ZFYVE9: variants seen among roughly 807,000 people sequenced by gnomAD.
ZFYVE9 encodes zinc finger FYVE-type containing 9.
In ZFYVE9, 43 loss-of-function variants were observed where a neutral mutation model predicts 126.7. That is an observed-to-expected ratio of 0.34 (90% CI 0.27 to 0.44). ZFYVE9 has a LOEUF of 0.44. Among genes scored for constraint, ZFYVE9 ranks in the 20% least tolerant of loss-of-function variants. The pLI is 1.00. For synonymous variants in ZFYVE9, 521 were observed against 597.4 expected, an observed-to-expected ratio of 0.87 and a Z score of 1.87; for missense variants, 1,476 against 1,697.0, an observed-to-expected ratio of 0.87 and a Z score of 2.29.
chr1:52,143,940 T>G (rs1324329070), intron 1 of ZFYVE9, among the ~76,000 whole-genome samples: 1 of 152,124 alleles, frequency 6.6e-6, no homozygotes, highest in African/African-American at 2.4e-5. Context: ...TCATTACCAG[T>G]TATTTGGGTA....
At chr1:52,162,758 T>A (rs1644474472) in intron 1 of ZFYVE9, 1 of 318,020 alleles carries the variant, frequency 3.1e-6, no homozygotes, top group Admixed American at 3.6e-5. Flanking sequence ...GCCAGTATTC[T>A]GGTGTATATG....
At position 52,226,141 on chromosome 1, in the gene ZFYVE9, C is replaced by T. The variant is rs137906154; in HGVS notation, c.-36-7030C>T. Among the ~76,000 whole-genome samples the T allele has an allele frequency of 3.9e-3, 597 of 152,150 alleles. 11 individuals carry two copies. The South Asian group carries it at 0.044, about 11-fold the overall frequency. ...CCCCACCCTAATCTTATTATGCAAA[C>T]GAACTTTCTCCTTGGCAGGTGCCAT... On this transcript the variant is annotated intron_variant, in intron 2 of 18. Transcript: ENST00000287727.
chr1:52,204,779 G>T (rs1644957775), intron 1 of ZFYVE9, among the ~76,000 whole-genome samples: 1 of 152,102 alleles, frequency 6.6e-6, no homozygotes, highest in East Asian at 1.9e-4. Context: ...TTTCAAAATG[G>T]TTCCCTTTCC....
At chr1:52,174,809 C>T (rs547648946) in intron 1 of ZFYVE9, among the ~76,000 whole-genome samples, 11 of 151,388 alleles carry the variant, frequency 7.3e-5, no homozygotes, top group East Asian at 1.9e-4. Context: ...CTGTTTTATC[C>T]GAGACTAGGA....
At position 52,295,936 on chromosome 1, in the gene ZFYVE9, T is replaced by A; in HGVS notation, c.3292T>A (p.Leu1098Met). The change falls in exon 12 of 19, where the codon TTG (leucine) becomes ATG (methionine). Residue 1098 changes from leucine to methionine, a missense_variant. Transcript: ENST00000287727. ...PLFSVRFRKP[L>M]FGETGHTIMN... Reference sequence around the variant, plus strand: ...ATTCAGTGTCAGATTTCGGAAGCCATTGTTTGGAGAGACGGGGCATACCAT... The same window carrying A: ...ATTCAGTGTCAGATTTCGGAAGCCAATGTTTGGAGAGACGGGGCATACCAT... The A allele has an allele frequency of 1.9e-6, 3 of 1,613,750 alleles. No homozygotes were observed. The highest frequency in any genetic ancestry group is 2.5e-6 in the Non-Finnish European group (3 of 1,179,816).
At chr1:52,324,290 C>G (rs1183311169) in intron 13 of ZFYVE9, among the ~76,000 whole-genome samples, 1 of 148,068 alleles carries the variant, frequency 6.8e-6, no homozygotes, top group Non-Finnish European at 1.5e-5. Flanking sequence ...AAAACAAAAA[C>G]AAAACAAAAC....
Position 52,326,886 on chromosome 1 carries a change from G to A in ZFYVE9, c.3439-5882G>A, listed in dbSNP as rs142299030. Among the ~76,000 whole-genome samples the A allele has an allele frequency of 7.7e-3, 1,164 of 151,040 alleles. 17 individuals carry two copies. The highest frequency in any genetic ancestry group is 0.027 in the African/African-American group (1,103 of 41,160). On this transcript the variant is annotated intron_variant, in intron 13 of 18. Coordinates refer to ENST00000287727, the MANE Select transcript of ZFYVE9 (RefSeq NM_004799.4). Reference sequence around the variant, plus strand: ...CTCCATCTCAAAAACAAACAAGGCCGGGCACAGTGGCTCATGCCTGTAACC... The same window carrying A: ...CTCCATCTCAAAAACAAACAAGGCCAGGCACAGTGGCTCATGCCTGTAACC...
intron 4 of ZFYVE9, among the ~76,000 whole-genome samples, chr1:52,256,079 T>C (rs911597918): frequency 2.6e-5 from 4 of 151,228 alleles, no homozygotes; most frequent in African/African-American, 9.7e-5. Flanking sequence ...TTCTTTTCTT[T>C]CTTTCAGATG....
chr1:52,180,110 A>G (rs1302821372), intron 1 of ZFYVE9: 5 of 964,858 alleles, frequency 5.2e-6, no homozygotes, highest in Non-Finnish European at 8.5e-6. Context: ...ATAAATTTGA[A>G]GAAGTTTTGG....
chr1:52,236,065 A>G (rs745504806), intron 3 of ZFYVE9, among the ~76,000 whole-genome samples: 1 of 152,152 alleles, frequency 6.6e-6, no homozygotes, highest in African/African-American at 2.4e-5. Context: ...CCTATCAACA[A>G]TGTTAAGTGA....
chr1:52,275,746 T>C (rs901191982), intron 8 of ZFYVE9, among the ~76,000 whole-genome samples: 2 of 152,128 alleles, frequency 1.3e-5, no homozygotes, highest in African/African-American at 4.8e-5. Context: ...GGCTTTTAAC[T>C]GGTCTCCTTG....
intron 1 of ZFYVE9, chr1:52,179,992 T>C: frequency 1.1e-6 from 1 of 900,224 alleles, no homozygotes; most frequent in Non-Finnish European, 1.9e-6. Flanking sequence ...GATATGACTT[T>C]GGAAGAGCTG....
chr1:52,331,610 G>A (rs993907392), intron 13 of ZFYVE9, among the ~76,000 whole-genome samples: 1 of 151,168 alleles, frequency 6.6e-6, no homozygotes, highest in African/African-American at 2.4e-5. Flanking sequence ...AAATTAGCTG[G>A]GCGTGGTAGC....
chr1:52,307,814 C>G (rs1408875170), intron 13 of ZFYVE9, among the ~76,000 whole-genome samples: 1 of 150,142 alleles, frequency 6.7e-6, no homozygotes, highest in East Asian at 2.0e-4. Context: ...TGCAGTGGAG[C>G]GATCTCGGCT....
At chr1:52,264,552 A>G (rs1162625371) in intron 5 of ZFYVE9, among the ~76,000 whole-genome samples, 1 of 152,212 alleles carries the variant, frequency 6.6e-6, no homozygotes, top group Non-Finnish European at 1.5e-5. Context: ...GTATTCTTGT[A>G]AAAAGATACA....
intron 15 of ZFYVE9, among the ~76,000 whole-genome samples, chr1:52,336,359 GTTTTTTTTGTT>G (rs1241926403): frequency 2.1e-5 from 2 of 94,950 alleles, no homozygotes; most frequent in African/African-American, 3.6e-5. Flanking sequence ...AATCTAAGAG[GTTTTTTTTGTT>G]TTTTTTTTTT....
rs58857376 is a variant in ZFYVE9 at position 52,272,673 on chromosome 1, C to CTTTTTTTTTTTTTT, written c.2626-1784_2626-1771dup. On this transcript the variant is annotated intron_variant, in intron 7 of 18. Transcript: ENST00000287727. ...ATGAAATGAAGCTGCTAGAAATAATCTTTTTTTTTTTTTTTTTTTTGAGTC... is the reference window on the plus strand; with the variant it reads ...ATGAAATGAAGCTGCTAGAAATAATCTTTTTTTTTTTTTTTTTTTTTTTTTTTTTTTTTTGAGTC... Among the ~76,000 whole-genome samples, 59 of 121,258 alleles carry CTTTTTTTTTTTTTT rather than the reference C, an allele frequency of 4.9e-4. 3 individuals carry two copies. Among genetic ancestry groups the CTTTTTTTTTTTTTT allele is most frequent in the African/African-American group, 1.8e-3 (52 of 29,594 alleles). The allele number at this position is 121,258 out of a possible 152,430, so 79.5% of individuals were successfully genotyped here. A position where few individuals can be genotyped will look rare whatever the true frequency, so the allele number is the denominator to read the frequency against.
chr1:52,168,212 TTC>T (rs1240182034), intron 1 of ZFYVE9, among the ~76,000 whole-genome samples: 33 of 143,632 alleles, frequency 2.3e-4, no homozygotes, highest in Non-Finnish European at 3.6e-4. Context: ...CCTCTTCGTC[TTC>T]TTTTTTTTTT....
chr1:52,299,561 T>C (rs1646012941), intron 12 of ZFYVE9, among the ~76,000 whole-genome samples: 1 of 152,222 alleles, frequency 6.6e-6, no homozygotes, highest in African/African-American at 2.4e-5. Context: ...TTTATTGTGC[T>C]GGGCTGCTTG....
Sources: allele counts gnomAD v4.1 joint callset (sites outside exome capture counted in the v4.1 genomes callset), GRCh38; gene constraint gnomAD v4.1.1; transcripts MANE v1.5; gene names NCBI Gene and HGNC (gene_info 2026-07-23, HGNC 2026-07-21).